The following CADPS variants were observed in gnomAD, a reference collection of about 807,000 sequenced individuals.
CADPS encodes the protein calcium-dependent secretion activator 1.
In CADPS, 57 loss-of-function variants were observed where a neutral mutation model predicts 167.3. The observed-to-expected ratio is 0.34, with a 90% confidence interval of 0.28 to 0.42. The LOEUF (loss-of-function observed/expected upper bound fraction) is 0.42, where lower values mean the gene tolerates loss of function less well. CADPS is among the 20% of genes least tolerant of loss of function. The probability of loss-of-function intolerance (pLI) is 1.00; values close to 1 mark genes in which losing one functional copy is unlikely to be tolerated. For synonymous variants in CADPS, 676 were observed against 635.3 expected (o/e 1.06, Z -0.96); for missense variants, 1,414 against 1,738.1 (o/e 0.81, Z 3.32).
rs527894145 is a variant in CADPS at position 62,687,588 on chromosome 3, GC to G, written c.889-25195del. 8.4e-3 allele frequency among the ~76,000 whole-genome samples: 1,270 copies of G among 152,034 alleles called. 6 individuals carry two copies. The highest frequency in any genetic ancestry group is 0.013 in the Non-Finnish European group (853 of 67,966). Reference sequence around the variant, plus strand: ...AGGGACTTAGGGCCAGGATGAATTGGCTTGAAGATTTTCAGTTTTCAGGGGT... The same window carrying G: ...AGGGACTTAGGGCCAGGATGAATTGGTTGAAGATTTTCAGTTTTCAGGGGT... On this transcript the variant is annotated intron_variant, in intron 3 of 29. Coordinates refer to ENST00000383710, the MANE Select transcript of CADPS (RefSeq NM_003716.4).
At chr3:62,570,527 G>A (rs1389563330) in intron 9 of CADPS, among the ~76,000 whole-genome samples, 1 of 152,078 alleles carries the variant, frequency 6.6e-6, no homozygotes, top group Non-Finnish European at 1.5e-5. Context: ...CTCCCTTCTG[G>A]AATCCTCCAT....
chr3:62,437,864 G>T (rs540642942), intron 28 of CADPS, among the ~76,000 whole-genome samples: 2 of 152,134 alleles, frequency 1.3e-5, no homozygotes, highest in Non-Finnish European at 2.9e-5. Flanking sequence ...CCTGCTTGCC[G>T]AGAGGCTGTG....
intron 28 of CADPS, among the ~76,000 whole-genome samples, chr3:62,428,756 C>G (rs78303517): frequency 1.2e-4 from 18 of 152,218 alleles, no homozygotes; most frequent in African/African-American, 4.3e-4. Flanking sequence ...TTTTCTAGTT[C>G]GTGCAGATCA....
At chr3:62,725,462 G>A (rs959412902) in intron 3 of CADPS, among the ~76,000 whole-genome samples, 9 of 152,266 alleles carry the variant, frequency 5.9e-5, no homozygotes, top group African/African-American at 1.9e-4. Context: ...TAGTATAGCA[G>A]GGCTAGACCC....
At chr3:62,523,071 C>T (rs1577183134) in intron 13 of CADPS, among the ~76,000 whole-genome samples, 1 of 152,188 alleles carries the variant, frequency 6.6e-6, no homozygotes, top group African/African-American at 2.4e-5. Flanking sequence ...GATGTCATGT[C>T]GGCTGCTCTT....
intron 3 of CADPS, among the ~76,000 whole-genome samples, chr3:62,712,383 A>G (rs1276064143): frequency 1.3e-5 from 2 of 152,164 alleles, no homozygotes; most frequent in Non-Finnish European, 2.9e-5. Context: ...TTTATTTTAA[A>G]TCCTTCCAAT....
At chr3:62,770,774 G>A (rs304191) in intron 1 of CADPS, among the ~76,000 whole-genome samples, 75,388 of 152,056 alleles carry the variant, frequency 0.5, 20,384 homozygotes, top group African/African-American at 0.72. Context: ...ACAAACTTTC[G>A]TATCAAGATA....
At chr3:62,789,876 C>T (rs1576437544) in intron 1 of CADPS, among the ~76,000 whole-genome samples, 1 of 152,022 alleles carries the variant, frequency 6.6e-6, no homozygotes, top group African/African-American at 2.4e-5. Context: ...GTTTTTCCTG[C>T]TCTCACTCCC....
At chr3:62,649,436 C>CT (rs1270873559) in intron 5 of CADPS, among the ~76,000 whole-genome samples, 5 of 148,434 alleles carry the variant, frequency 3.4e-5, no homozygotes, top group Non-Finnish European at 7.4e-5. Context: ...AACAAGATTT[C>CT]TTATGCCCTT....
At chr3:62,471,664 G>A (rs1455936105) in intron 24 of CADPS, among the ~76,000 whole-genome samples, 1 of 152,080 alleles carries the variant, frequency 6.6e-6, no homozygotes, top group Admixed American at 6.5e-5. Context: ...CTGAGGAGAA[G>A]GCAAGACCAG....
At chr3:62,586,205 G>A (rs1311837909) in intron 7 of CADPS, among the ~76,000 whole-genome samples, 1 of 152,204 alleles carries the variant, frequency 6.6e-6, no homozygotes, top group East Asian at 1.9e-4. Context: ...CAAAAGCTGG[G>A]CTTGCTAAGA....
chr3:62,842,112 T>A (rs2076725303), intron 1 of CADPS, among the ~76,000 whole-genome samples: 1 of 152,190 alleles, frequency 6.6e-6, no homozygotes, highest in South Asian at 2.1e-4. Context: ...AGAAGACAAA[T>A]CTACATGGAC....
intron 13 of CADPS, among the ~76,000 whole-genome samples, chr3:62,520,759 A>T (rs1389094472): frequency 6.6e-6 from 1 of 152,224 alleles, no homozygotes; most frequent in Admixed American, 6.6e-5. Context: ...TTACAAAGTG[A>T]GGAAAAGACA....
At chr3:62,752,305 C>T (rs1371206102) in intron 3 of CADPS, among the ~76,000 whole-genome samples, 1 of 152,066 alleles carries the variant, frequency 6.6e-6, no homozygotes, top group Non-Finnish European at 1.5e-5. Flanking sequence ...TGACCCATCA[C>T]AAAAAACCTT....
chr3:62,874,748 C>T lies in CADPS; in HGVS notation c.282G>A (p.Pro94=). ...AGGGRPSSPS[P]SVVSEKEKEE... is the part of the protein sequence containing the mutation. ...CCTTCTCCTTCTCGCTCACCACCGA[C>T]GGGCTGGGGCTGGAGGGCCGGCCGC... The change falls in exon 1 of 30, where the codon CCG becomes CCA. Residue 94 remains proline, a synonymous_variant. Transcript: ENST00000383710. The surrounding 1 kb of genome is among the most constrained non-coding windows in gnomAD (Gnocchi z 7.1). 6.7e-7 allele frequency: 1 copy of T among 1,503,668 alleles called. No homozygotes were observed. 93.1% of individuals were successfully genotyped at this position (1,503,668 alleles called of 1,614,324 possible).
intron 16 of CADPS, chr3:62,513,771 G>A (rs2068384222): frequency 9.6e-7 from 1 of 1,045,870 alleles, no homozygotes; most frequent in East Asian, 2.6e-5. Context: ...AAGGTCATAG[G>A]TTAGAGGAAA....
chr3:62,851,501 C>T (rs1357859634), intron 1 of CADPS, among the ~76,000 whole-genome samples: 4 of 149,412 alleles, frequency 2.7e-5, no homozygotes, highest in Non-Finnish European at 5.9e-5. Context: ...CTTTGCTTGT[C>T]TGTAAAGTAT....
intron 11 of CADPS, among the ~76,000 whole-genome samples, chr3:62,548,642 T>G (rs552448587): frequency 1.3e-5 from 2 of 152,262 alleles, no homozygotes; most frequent in Non-Finnish European, 2.9e-5. Context: ...TAGTTACAGC[T>G]GCAAAATTAT....
intron 3 of CADPS, among the ~76,000 whole-genome samples, chr3:62,671,277 G>A (rs186954961): frequency 5.9e-5 from 9 of 152,052 alleles, no homozygotes; most frequent in Admixed American, 2.6e-4. Context: ...GGATACAGCT[G>A]TGTTTTTTTT....
Sources: allele counts gnomAD v4.1 joint callset (sites outside exome capture counted in the v4.1 genomes callset), GRCh38; gene constraint gnomAD v4.1.1; non-coding constraint Gnocchi (gnomAD v3.1); transcripts MANE v1.5; gene names NCBI Gene and HGNC (gene_info 2026-07-23, HGNC 2026-07-21).